The following DPP10 variants were observed in gnomAD, a reference collection of about 807,000 sequenced individuals.
The protein encoded by DPP10 is inactive dipeptidyl peptidase 10.
A neutral mutation model predicts 120.9 loss-of-function variants in DPP10; 33 were observed. The observed-to-expected ratio is 0.27, with a 90% CI of 0.21 to 0.37. The LOEUF is 0.37. Ranked by LOEUF, DPP10 falls within the 10% of genes least tolerant of loss-of-function variation. The pLI is 1.00. For missense variants in DPP10, 816 were observed against 942.8 expected (o/e 0.87, Z 1.76); for synonymous variants, 337 against 326.1 (o/e 1.03, Z -0.36).
At chr2:115,232,501 T>G (rs2057785682) in intron 1 of DPP10, among the ~76,000 whole-genome samples, 1 of 152,296 alleles carries the variant, frequency 6.6e-6, no homozygotes, top group South Asian at 2.1e-4. Context: ...TGCTTCAATC[T>G]TCAGTTTTGA....
At chr2:115,526,227 T>G in intron 5 of DPP10, 1 of 367,018 alleles carries the variant, frequency 2.7e-6, no homozygotes, top group Admixed American at 4.5e-5. Flanking sequence ...CAGAGGAGAA[T>G]GTGGCAGAGT....
At chr2:115,336,309 G>T (rs547014526) in intron 2 of DPP10, among the ~76,000 whole-genome samples, 1 of 151,974 alleles carries the variant, frequency 6.6e-6, no homozygotes, top group South Asian at 2.1e-4. Flanking sequence ...TTCAATTTCA[G>T]TTCTGTTGCC....
intron 1 of DPP10, among the ~76,000 whole-genome samples, chr2:114,549,609 T>C (rs1558870820): frequency 7.3e-6 from 1 of 137,752 alleles, no homozygotes; most frequent in Admixed American, 8.2e-5. Context: ...TGCAGTGAGC[T>C]GAGATTGTGC....
intron 1 of DPP10, among the ~76,000 whole-genome samples, chr2:114,539,941 A>G (rs1686823294): frequency 1.3e-5 from 2 of 152,126 alleles, no homozygotes; most frequent in Admixed American, 1.3e-4. Context: ...AGATGCCCAC[A>G]TTGCAGGTAA....
intron 1 of DPP10, among the ~76,000 whole-genome samples, chr2:114,489,494 T>C (rs895293197): frequency 2.0e-5 from 3 of 152,218 alleles, no homozygotes; most frequent in African/African-American, 7.2e-5. Context: ...TAAATACTAT[T>C]CTGACAAATA....
intron 1 of DPP10, among the ~76,000 whole-genome samples, chr2:115,072,221 C>T (rs969741654): frequency 7.9e-5 from 12 of 151,760 alleles, no homozygotes; most frequent in Non-Finnish European, 1.2e-4. Context: ...AACGAGAGCC[C>T]GACTGAAGAG....
intron 1 of DPP10, among the ~76,000 whole-genome samples, chr2:114,589,050 A>AGGG (rs1435524491): frequency 1.9e-5 from 2 of 104,986 alleles, no homozygotes; most frequent in African/African-American, 3.8e-5. Flanking sequence ...GGGGGGGGGT[A>AGGG]GGGGACGTAC....
intron 3 of DPP10, among the ~76,000 whole-genome samples, chr2:115,393,286 C>T (rs1390548980): frequency 6.8e-6 from 1 of 147,548 alleles, no homozygotes; most frequent in East Asian, 2.0e-4. Flanking sequence ...GCACTCAAGC[C>T]TGGGTGACAG....
intron 1 of DPP10, among the ~76,000 whole-genome samples, chr2:114,679,910 C>T (rs1215199402): frequency 2.0e-5 from 3 of 151,882 alleles, no homozygotes; most frequent in East Asian, 1.9e-4. Context: ...ATAAGCTCAC[C>T]GTATTCAAAT....
intron 1 of DPP10, among the ~76,000 whole-genome samples, chr2:115,213,409 A>G (rs2056637133): frequency 6.6e-6 from 1 of 152,162 alleles, no homozygotes; most frequent in African/African-American, 2.4e-5. Flanking sequence ...ATGGTGATTA[A>G]TACTCATCCT....
At chr2:114,695,608 C>T (rs13032740) in intron 1 of DPP10, among the ~76,000 whole-genome samples, 21,507 of 152,070 alleles carry the variant, frequency 0.14, 2,051 homozygotes, top group African/African-American at 0.27. Context: ...TGACTTGGAA[C>T]ATAACATGAC....
chr2:114,596,136 T>G (rs1277208648), intron 1 of DPP10, among the ~76,000 whole-genome samples: 3 of 103,036 alleles, frequency 2.9e-5, no homozygotes, highest in African/African-American at 1.2e-4. Flanking sequence ...TGAATCAAAT[T>G]CAATTTGAAA....
intron 1 of DPP10, among the ~76,000 whole-genome samples, chr2:114,554,482 A>G (rs1688132845): frequency 6.6e-6 from 1 of 152,190 alleles, no homozygotes; most frequent in Non-Finnish European, 1.5e-5. Context: ...TCAGAATCGT[A>G]TAGAAGATAA....
rs1340913942 is a variant in DPP10, at chr2:115,508,050, G to A, written c.366+8446G>A. 2.6e-5 allele frequency among the ~76,000 whole-genome samples: 4 copies of A among 152,014 alleles called. No homozygotes were observed. In the East Asian group the frequency reaches 5.8e-4, roughly 22 times the overall value. ...TGGGTAATTCTATTTTGAATATTTT[G>A]CCACAATTTTTGACAATGGAATCTA... On this transcript the variant is annotated intron_variant, in intron 4 of 25. Transcript: ENST00000410059.
chr2:115,381,960 G>T (rs1402918138), intron 3 of DPP10, among the ~76,000 whole-genome samples: 1 of 152,100 alleles, frequency 6.6e-6, no homozygotes, highest in Non-Finnish European at 1.5e-5. Context: ...CTTCAAAGCT[G>T]TCAGACAGGG....
chr2:114,759,464 T>C (rs977685138), intron 1 of DPP10, among the ~76,000 whole-genome samples: 1 of 148,128 alleles, frequency 6.8e-6, no homozygotes, highest in African/African-American at 2.5e-5. Context: ...GTGCTGTAAA[T>C]CTTTTTTTTT....
intron 1 of DPP10, among the ~76,000 whole-genome samples, chr2:115,043,953 A>G (rs1189444809): frequency 6.6e-6 from 1 of 152,184 alleles, no homozygotes; most frequent in Non-Finnish European, 1.5e-5. Context: ...TACATGAGAT[A>G]TTTTGATACA....
At chr2:114,896,223 T>C (rs1036715057) in intron 1 of DPP10, among the ~76,000 whole-genome samples, 24 of 152,306 alleles carry the variant, frequency 1.6e-4, no homozygotes, top group African/African-American at 5.5e-4. Context: ...GCGGGCTCTT[T>C]TTTGGTTCCA....
chr2:115,134,945 A>ATTC (rs2050575183), intron 1 of DPP10, among the ~76,000 whole-genome samples: 1 of 152,136 alleles, frequency 6.6e-6, no homozygotes, highest in African/African-American at 2.4e-5. Context: ...GAGGGAGGGA[A>ATTC]CGTTCCACAC....
Sources: allele counts gnomAD v4.1 joint callset (sites outside exome capture counted in the v4.1 genomes callset), GRCh38; gene constraint gnomAD v4.1.1; transcripts MANE v1.5; gene names NCBI Gene and HGNC (gene_info 2026-07-23, HGNC 2026-07-21).